Variants in THADA observed in about 807,000 individuals in gnomAD.
THADA encodes the protein tRNA (32-2'-O)-methyltransferase regulator THADA.
A neutral mutation model predicts 219.8 loss-of-function variants in THADA; 213 were observed. That is an observed-to-expected ratio of 0.97 (90% CI 0.87 to 1.09). The LOEUF is 1.09. Among genes scored for constraint, THADA ranks in the 50% least tolerant of loss-of-function variants. THADA has a pLI of 0.00. For missense variants in THADA, 2,956 were observed against 2,311.3 expected (o/e 1.28, Z -5.72); for synonymous variants, 1,018 against 828.9 (o/e 1.23, Z -3.92).
At chr2:43,310,615 GAACTAA>G (rs1317406349) in intron 31 of THADA, among the ~76,000 whole-genome samples, 1 of 152,116 alleles carries the variant, frequency 6.6e-6, no homozygotes, top group East Asian at 1.9e-4. Flanking sequence ...ATAAACTTAT[GAACTAA>G]AACTGTAAAA....
chr2:43,394,772 T>C (rs189885010), intron 29 of THADA, among the ~76,000 whole-genome samples: 89 of 152,326 alleles, frequency 5.8e-4, no homozygotes, highest in African/African-American at 2.0e-3. Flanking sequence ...TCCCTTTGAC[T>C]TCTTTTTCTC....
intron 30 of THADA, among the ~76,000 whole-genome samples, chr2:43,333,457 AT>A (rs1558595395): frequency 6.6e-6 from 1 of 151,296 alleles, no homozygotes; most frequent in Non-Finnish European, 1.5e-5. Context: ...TACCTCTTCC[AT>A]TTTTTTCCTA....
intron 36 of THADA, among the ~76,000 whole-genome samples, chr2:43,238,878 T>A (rs1668336325): frequency 6.6e-6 from 1 of 152,114 alleles, no homozygotes. Context: ...GTGGTTCACA[T>A]GCCAAGAGCT....
chr2:43,470,572 A>G (rs1026870609), intron 26 of THADA, among the ~76,000 whole-genome samples: 33 of 152,216 alleles, frequency 2.2e-4, no homozygotes, highest in African/African-American at 6.5e-4. Flanking sequence ...TGTATATAAT[A>G]ATTAGTAATA....
At chr2:43,595,891 C>G (rs1013089553) in intron 1 of THADA, 40 bp downstream of exon 1, 3 of 152,308 alleles carry the variant, frequency 2.0e-5, no homozygotes, top group African/African-American at 4.8e-5. Context: ...CCGAGCCGAG[C>G]TACCGCGGGT....
chr2:43,534,767 G>T (rs1427940513), intron 21 of THADA, among the ~76,000 whole-genome samples: 1 of 152,112 alleles, frequency 6.6e-6, no homozygotes, highest in Non-Finnish European at 1.5e-5. Context: ...GAATAGTGCT[G>T]CAATAAACAT....
chr2:43,508,677 G>A lies in THADA; in HGVS notation c.3478C>T (p.Arg1160Cys), dbSNP rs745729441. The A allele has an allele frequency of 9.3e-6, 15 of 1,613,400 alleles. No individual in the cohort carries two copies. The highest frequency in any genetic ancestry group is 8.0e-5 in the African/African-American group (6 of 74,850). The change falls in exon 23 of 38, where the codon CGC (arginine) becomes TGC (cysteine). Residue 1160 changes from arginine (R) to cysteine (C), a missense_variant. By Grantham distance (180) the Arg-to-Cys change is radical. Coordinates refer to ENST00000405975, the MANE Select transcript of THADA (RefSeq NM_022065.5). ...DPSSKLCATR[R>C]SAGIPFYIQA... ...ATGTAGAAAGGAATTCCAGCACTGC[G>A]CCTTGTAGCACAGAGTTTAGATGAA...
At chr2:43,580,746 G>A (rs2104089281) in intron 8 of THADA, among the ~76,000 whole-genome samples, 1 of 152,114 alleles carries the variant, frequency 6.6e-6, no homozygotes, top group Non-Finnish European at 1.5e-5. Flanking sequence ...CAGGCGTGGT[G>A]GTGCATGCCT....
At chr2:43,328,960 A>G (rs1185205470) in intron 30 of THADA, among the ~76,000 whole-genome samples, 1 of 152,188 alleles carries the variant, frequency 6.6e-6, no homozygotes, top group Non-Finnish European at 1.5e-5. Flanking sequence ...TCTATTAGGC[A>G]TCTTGTTCTC....
chr2:43,258,173 C>A (rs970342371), intron 36 of THADA, among the ~76,000 whole-genome samples: 1 of 152,128 alleles, frequency 6.6e-6, no homozygotes, highest in Non-Finnish European at 1.5e-5. Context: ...CAATAAATAT[C>A]CTTTTAGTGT....
intron 7 of THADA, among the ~76,000 whole-genome samples, chr2:43,585,450 T>G (rs991184989): frequency 6.8e-6 from 1 of 147,186 alleles, no homozygotes; most frequent in African/African-American, 2.5e-5. Flanking sequence ...CCCAGGGAGG[T>G]AGAGGTGCAG....
At chr2:43,333,050 T>C (rs1665966858) in intron 30 of THADA, 1 of 152,218 alleles carries the variant, frequency 6.6e-6, no homozygotes, top group Admixed American at 6.5e-5. Context: ...CAACAAGAAA[T>C]ACTTCATATA....
chr2:43,519,243 A>G (rs182545916), intron 22 of THADA, among the ~76,000 whole-genome samples: 1 of 152,208 alleles, frequency 6.6e-6, no homozygotes, highest in Admixed American at 6.5e-5. Flanking sequence ...CCTAGCTATC[A>G]CAATTCCTTA....
intron 28 of THADA, among the ~76,000 whole-genome samples, chr2:43,418,373 T>C (rs1677274099): frequency 6.6e-6 from 1 of 152,220 alleles, no homozygotes; most frequent in African/African-American, 2.4e-5. Context: ...CCAATGCTCC[T>C]TTGTTACTGG....
At chr2:43,495,758 A>G (rs1688196810) in intron 25 of THADA, among the ~76,000 whole-genome samples, 1 of 152,212 alleles carries the variant, frequency 6.6e-6, no homozygotes, top group Non-Finnish European at 1.5e-5. Context: ...GGCTTCAAGA[A>G]AGCAATATTG....
chr2:43,571,773 A>G lies in THADA; in HGVS notation c.1998T>C (p.Phe666=). ...SMEEMQWIQF[F]ITYNLNSQSP... is the part of the protein sequence containing the mutation. ...ACTGGCTGTTAAGATTGTATGTAAT[A>G]AAGAACTGAATCCACTGCATTTCTT... The change falls in exon 13 of 38, where the codon TTT becomes TTC. Residue 666 remains phenylalanine, a synonymous_variant. Transcript: ENST00000405975. The G allele has an allele frequency of 1.2e-6, 2 of 1,613,764 alleles. No homozygotes were observed. Among genetic ancestry groups the G allele is most frequent in the Non-Finnish European group, 1.7e-6 (2 of 1,179,660 alleles).
intron 36 of THADA, among the ~76,000 whole-genome samples, chr2:43,246,036 G>A (rs1393240539): frequency 1.3e-5 from 2 of 150,886 alleles, no homozygotes; most frequent in Admixed American, 1.3e-4. Flanking sequence ...TCCTTACTAG[G>A]CGCCCGCCTC....
intron 31 of THADA, 103 bp downstream of exon 31, chr2:43,320,343 A>T (rs1251147426): frequency 1.3e-6 from 1 of 775,006 alleles, no homozygotes; most frequent in Non-Finnish European, 2.1e-6. Context: ...TTAGTCTTAC[A>T]AAAGTAGAAG....
chr2:43,590,850 C>G lies in THADA; in HGVS notation c.276G>C (p.Lys92Asn). The change falls in exon 4 of 38, where the codon AAG becomes AAC. Residue 92 changes from lysine (K) to asparagine (N), a missense_variant. Physicochemically the swap from Lys to Asn is moderately conservative, Grantham distance 94. Transcript: ENST00000405975. ...LAGIYLSLSL[K>N]NPLKKVLASS... ...TTGCCAATACTTTCTTCAAGGGATT[C>G]TTTAGACTCAAAGAAAGATAAATGC... 1 of 1,613,620 alleles carries G rather than the reference C, an allele frequency of 6.2e-7. No homozygotes were observed. The highest frequency in any genetic ancestry group is 8.5e-7 in the Non-Finnish European group (1 of 1,179,768).
Sources: allele counts gnomAD v4.1 joint callset (sites outside exome capture counted in the v4.1 genomes callset), GRCh38; gene constraint gnomAD v4.1.1; transcripts MANE v1.5; gene names NCBI Gene and HGNC (gene_info 2026-07-23, HGNC 2026-07-21).